Variants in DHRSX observed in about 807,000 individuals in gnomAD.
DHRSX encodes the protein polyprenol dehydrogenase.
DHRSX carries 31 observed loss-of-function variants against 34.0 expected under a neutral mutation model. That is an observed-to-expected ratio of 0.91 (90% CI 0.69 to 1.23). The LOEUF (loss-of-function observed/expected upper bound fraction) is 1.23. DHRSX is among the 50% of genes most tolerant of loss of function. DHRSX has a pLI of 0.00. For synonymous variants in DHRSX, 201 were observed against 183.8 expected (o/e 1.09, Z -0.76); for missense variants, 414 against 428.1 (o/e 0.97, Z 0.29).
chrX:2,248,613 CAAAA>C (rs1357827255), intron 5 of DHRSX, among the ~76,000 whole-genome samples: 1 of 17,526 alleles, frequency 5.7e-5, no homozygotes, highest in Non-Finnish European at 1.5e-4. Flanking sequence ...GACTCTGTCT[CAAAA>C]AAAAAAAAAG....
At chrX:2,480,815 C>CA (rs774662963) in intron 1 of DHRSX, among the ~76,000 whole-genome samples, 17,233 of 151,064 alleles carry the variant, frequency 0.11, 1,441 homozygotes, top group South Asian at 0.27. Flanking sequence ...GAGACTGTCT[C>CA]AAAAAAAATA....
Position 2,408,695 on chromosome X carries a change from C to G in DHRSX, c.286+50G>C, listed in dbSNP as rs756183193. The G allele has an allele frequency of 2.6e-6, 4 of 1,513,480 alleles. No homozygotes were observed. In the South Asian group the frequency reaches 4.9e-5, roughly 18 times the overall value. 93.8% of individuals were successfully genotyped at this position (1,513,480 alleles called of 1,614,324 possible). On this transcript the variant is annotated intron_variant, in intron 3 of 6. Transcript: ENST00000334651. ...GCCATGAACCACGCAAACGACCTGT[C>G]CCAAGGAAAAAAAAAAACAAAAAAA... is the stretch of plus-strand genomic sequence containing the variant.
At chrX:2,451,668 A>G (rs1246452480) in intron 1 of DHRSX, among the ~76,000 whole-genome samples, 1 of 152,210 alleles carries the variant, frequency 6.6e-6, no homozygotes, top group Non-Finnish European at 1.5e-5. Flanking sequence ...TGCCTGGGAC[A>G]GGCGGTGACA....
chrX:2,358,474 G>C (rs2042885575), intron 3 of DHRSX, among the ~76,000 whole-genome samples: 1 of 152,092 alleles, frequency 6.6e-6, no homozygotes, highest in Admixed American at 6.6e-5. Flanking sequence ...GAGGCGGGTG[G>C]ATCACAAGGT....
intron 5 of DHRSX, among the ~76,000 whole-genome samples, chrX:2,260,030 G>T (rs1274229094): frequency 6.6e-6 from 1 of 150,490 alleles, no homozygotes; most frequent in African/African-American, 2.4e-5. Flanking sequence ...TCCCTCCAGA[G>T]GCTCTAGGGG....
chrX:2,397,188 C>A (rs1308243812), intron 3 of DHRSX, among the ~76,000 whole-genome samples: 2 of 151,506 alleles, frequency 1.3e-5, no homozygotes, highest in Non-Finnish European at 2.9e-5. Context: ...GTTGTAGAGA[C>A]AAGGTCTTGC....
intron 6 of DHRSX, among the ~76,000 whole-genome samples, chrX:2,226,907 T>C (rs745361498): frequency 2.0e-5 from 3 of 152,138 alleles, no homozygotes; most frequent in African/African-American, 7.2e-5. Flanking sequence ...AACTCATCGT[T>C]CTCAGAGTCG....
At chrX:2,428,345 CA>C (rs1338383110) in intron 1 of DHRSX, among the ~76,000 whole-genome samples, 2 of 152,094 alleles carry the variant, frequency 1.3e-5, no homozygotes, top group African/African-American at 4.8e-5. Flanking sequence ...GCACTGTTCA[CA>C]ATAGTAAAGA....
chrX:2,328,862 C>T (rs2042422136), intron 3 of DHRSX, among the ~76,000 whole-genome samples: 1 of 152,062 alleles, frequency 6.6e-6, no homozygotes. Flanking sequence ...GAAGAGACTC[C>T]AGCATCTGCC....
chrX:2,323,815 A>T (rs988758978), intron 3 of DHRSX, among the ~76,000 whole-genome samples: 2 of 150,892 alleles, frequency 1.3e-5, no homozygotes, highest in African/African-American at 2.4e-5. Flanking sequence ...ATTTTAGGTG[A>T]TAGGTGGTTA....
intron 3 of DHRSX, among the ~76,000 whole-genome samples, chrX:2,294,456 G>C (rs1320358816): frequency 6.6e-6 from 1 of 152,152 alleles, no homozygotes; most frequent in African/African-American, 2.4e-5. Context: ...GCAGAGGTCA[G>C]GAGTTCGAGA....
At chrX:2,419,071 C>A (rs997336808) in intron 2 of DHRSX, among the ~76,000 whole-genome samples, 8 of 152,146 alleles carry the variant, frequency 5.3e-5, no homozygotes, top group African/African-American at 1.9e-4. Flanking sequence ...TAAACCCAAT[C>A]CTTTTGCATC....
intron 4 of DHRSX, among the ~76,000 whole-genome samples, chrX:2,276,208 G>C (rs1461839870): frequency 1.3e-5 from 2 of 152,190 alleles, no homozygotes; most frequent in Non-Finnish European, 2.9e-5. Flanking sequence ...ACATTCTTTT[G>C]TGGTGACTTC....
intron 3 of DHRSX, among the ~76,000 whole-genome samples, chrX:2,300,302 G>A (rs1277797542): frequency 1.3e-5 from 2 of 152,092 alleles, no homozygotes; most frequent in African/African-American, 4.8e-5. Context: ...TTGCAGACAG[G>A]GCCTGTAGGA....
At chrX:2,299,232 G>A (rs2041982792) in intron 3 of DHRSX, among the ~76,000 whole-genome samples, 1 of 152,122 alleles carries the variant, frequency 6.6e-6, no homozygotes, top group South Asian at 2.1e-4. Flanking sequence ...GCTTTTCACA[G>A]TAACCCTAAG....
chrX:2,341,930 A>C (rs1001560325), intron 3 of DHRSX, among the ~76,000 whole-genome samples: 15 of 152,028 alleles, frequency 9.9e-5, no homozygotes, highest in African/African-American at 3.6e-4. Flanking sequence ...TTAGCCTCCC[A>C]AGTATCTGGG....
chrX:2,227,678 G>GA (rs1231075392), intron 6 of DHRSX, among the ~76,000 whole-genome samples: 3 of 46,868 alleles, frequency 6.4e-5, no homozygotes, highest in South Asian at 9.1e-4. Context: ...GAGACAGAAA[G>GA]AAAAAAAAAG....
chrX:2,227,434 A>T (rs2015695597), intron 6 of DHRSX, among the ~76,000 whole-genome samples: 1 of 149,164 alleles, frequency 6.7e-6, no homozygotes, highest in Admixed American at 6.7e-5. Flanking sequence ...GGAAGGAGTG[A>T]CACAGAGAGA....
chrX:2,259,435 AAAAAC>A (rs1043694244), intron 5 of DHRSX, among the ~76,000 whole-genome samples: 12 of 148,942 alleles, frequency 8.1e-5, no homozygotes, highest in Admixed American at 6.7e-4. Flanking sequence ...AAATTAAAAT[AAAAAC>A]AATACAATAC....
Sources: gnomAD v4.1 joint callset for allele counts (sites outside exome capture counted in the v4.1 genomes callset) on GRCh38, gnomAD v4.1.1 for gene constraint, MANE v1.5 for transcripts, NCBI Gene and HGNC (gene_info 2026-07-23, HGNC 2026-07-21) for gene names.